HYDIN: variants seen among roughly 807,000 people sequenced by gnomAD.
The protein encoded by HYDIN is HYDIN axonemal central pair apparatus protein.
Under a neutral mutation model 403.9 loss-of-function variants are expected in HYDIN, and 132 were observed. The ratio of observed to expected loss-of-function variants is 0.33; its 90% CI spans 0.28 to 0.38. The LOEUF (loss-of-function observed/expected upper bound fraction) is 0.38, where lower values mean the gene tolerates loss of function less well. Ranked by LOEUF, HYDIN falls within the 10% of genes least tolerant of loss-of-function variation. HYDIN has a pLI of 1.00. For missense variants in HYDIN, 2,827 were observed against 5,009.5 expected (o/e 0.56, Z 13.15); for synonymous variants, 1,202 against 1,891.7 (o/e 0.64, Z 9.46).
intron 18 of HYDIN, among the ~76,000 whole-genome samples, chr16:71,045,211 C>T (rs891019587): frequency 1.2e-4 from 19 of 152,286 alleles, no homozygotes; most frequent in Non-Finnish European, 2.6e-4. Flanking sequence ...GCTGGGCATA[C>T]ATCTCTTGGT....
chr16:70,891,528 G>A (rs1161743948), intron 57 of HYDIN, 118 bp downstream of exon 57: 1 of 384,756 alleles, frequency 2.6e-6, no homozygotes, highest in Admixed American at 4.4e-5. Context: ...AAATCTTACT[G>A]ATCTCACCCA....
At chr16:71,075,566 A>T (rs1357982550) in intron 13 of HYDIN, among the ~76,000 whole-genome samples, 1 of 152,150 alleles carries the variant, frequency 6.6e-6, no homozygotes, top group Non-Finnish European at 1.5e-5. Flanking sequence ...GATGAATAAG[A>T]GCCTTTAAAT....
chr16:71,068,127 GT>G (rs2082336415), intron 14 of HYDIN, among the ~76,000 whole-genome samples: 1 of 148,488 alleles, frequency 6.7e-6, no homozygotes, highest in Non-Finnish European at 1.5e-5. Flanking sequence ...TTTACCCTGT[GT>G]TTTTATTTCC....
chr16:70,882,520 C>G, intron 60 of HYDIN, 140 bp downstream of exon 60: 1 of 595,450 alleles, frequency 1.7e-6, no homozygotes, highest in Non-Finnish European at 3.0e-6. Flanking sequence ...GGGGAAAGCC[C>G]CCGGTTACTT....
At chr16:71,047,421 A>C (rs1364798327) in intron 18 of HYDIN, among the ~76,000 whole-genome samples, 8 of 152,130 alleles carry the variant, frequency 5.3e-5, no homozygotes, top group African/African-American at 1.9e-4. Flanking sequence ...TGGCAAAATG[A>C]AAAAGGTCTC....
chr16:71,190,119 C>T lies in HYDIN; in HGVS notation c.-23-3201G>A, dbSNP rs77146450. Among the ~76,000 whole-genome samples, 1,289 of 152,198 alleles carry T rather than the reference C, an allele frequency of 8.5e-3. 18 individuals carry two copies. Among genetic ancestry groups the T allele is most frequent in the African/African-American group, 0.03 (1,225 of 41,524 alleles). On this transcript the variant is annotated intron_variant, in intron 1 of 85. Coordinates refer to ENST00000393567, the MANE Select transcript of HYDIN (RefSeq NM_001270974.2). ...AATGAAAGTCCGGTGGCAATGACAG[C>T]GCAGAGACCTGGATTGTAGTATTCA...
chr16:70,990,767 A>C (rs1248030583), intron 25 of HYDIN, among the ~76,000 whole-genome samples: 1 of 152,186 alleles, frequency 6.6e-6, no homozygotes, highest in East Asian at 1.9e-4. Context: ...TAATTTCTAG[A>C]AGGGGGACAA....
At chr16:70,969,542 A>C (rs1275095217) in intron 36 of HYDIN, among the ~76,000 whole-genome samples, 2 of 151,348 alleles carry the variant, frequency 1.3e-5, no homozygotes, top group Middle Eastern at 3.4e-3. Flanking sequence ...AAATCCTTCA[A>C]GGATGAGAGG....
intron 83 of HYDIN, among the ~76,000 whole-genome samples, chr16:70,821,938 T>G (rs1428563114): frequency 6.6e-6 from 1 of 152,152 alleles, no homozygotes; most frequent in Non-Finnish European, 1.5e-5. Context: ...AAAATATTAC[T>G]TCTCTTTAAT....
intron 1 of HYDIN, among the ~76,000 whole-genome samples, chr16:71,219,825 T>C (rs923688640): frequency 2.0e-5 from 3 of 152,174 alleles, no homozygotes; most frequent in Non-Finnish European, 4.4e-5. Flanking sequence ...AAACGACATT[T>C]TGTATGAAGA....
chr16:71,085,132 G>A (rs1160271924), intron 12 of HYDIN, among the ~76,000 whole-genome samples: 1 of 96,002 alleles, frequency 1.0e-5, no homozygotes, highest in East Asian at 2.8e-4. Flanking sequence ...GTTGAAAAGT[G>A]TTCCCACCTT....
At chr16:71,163,647 T>A (rs938034864) in intron 5 of HYDIN, among the ~76,000 whole-genome samples, 1 of 152,190 alleles carries the variant, frequency 6.6e-6, no homozygotes, top group Non-Finnish European at 1.5e-5. Flanking sequence ...TCCAGCCTAC[T>A]GCAGGATGTG....
chr16:70,936,824 G>A (rs1186787234), intron 44 of HYDIN, among the ~76,000 whole-genome samples: 6 of 150,682 alleles, frequency 4.0e-5, no homozygotes, highest in African/African-American at 7.3e-5. Context: ...GAGCCACTGC[G>A]CCCAGCCAGA....
intron 62 of HYDIN, among the ~76,000 whole-genome samples, chr16:70,878,875 A>G (rs1286694286): frequency 7.0e-6 from 1 of 142,022 alleles, no homozygotes; most frequent in Non-Finnish European, 1.5e-5. Context: ...CACATTTTGT[A>G]AAATAAAACC....
intron 39 of HYDIN, among the ~76,000 whole-genome samples, chr16:70,958,448 C>T (rs1482883180): frequency 6.6e-6 from 1 of 152,160 alleles, no homozygotes; most frequent in Non-Finnish European, 1.5e-5. Context: ...CAGGTCAGTG[C>T]CTTTTTGGTG....
chr16:70,868,744 G>A lies in HYDIN; in HGVS notation c.11136C>T (p.Thr3712=), dbSNP rs771180825. The change falls in exon 66 of 86, where the codon ACC becomes ACT. Residue 3712 remains threonine (T), a synonymous_variant. Transcript: ENST00000393567. ...GGTTGATGGGTACATCTGACTTCAT[G>A]GTCACCACTATGTCCTTGGCACACC... is the stretch of plus-strand genomic sequence containing the variant. ...HPGCAKDIVV[T]MKSDVPINLK... 1.9e-6 allele frequency: 3 copies of A among 1,613,984 alleles called. No individual in the cohort carries two copies. The highest frequency in any genetic ancestry group is 1.1e-5 in the South Asian group (1 of 91,014).
chr16:71,109,385 CA>C (rs1457850304), intron 10 of HYDIN, among the ~76,000 whole-genome samples: 1 of 134,670 alleles, frequency 7.4e-6, no homozygotes, highest in Non-Finnish European at 1.5e-5. Flanking sequence ...CGCAAAACGA[CA>C]TGAGGAGGAA....
intron 47 of HYDIN, among the ~76,000 whole-genome samples, chr16:70,909,338 A>T (rs2076625247): frequency 6.6e-6 from 1 of 152,190 alleles, no homozygotes; most frequent in Non-Finnish European, 1.5e-5. Context: ...GTGTTTAATA[A>T]GAAGTTCCCA....
At chr16:71,070,022 C>CA (rs1383086675) in intron 13 of HYDIN, among the ~76,000 whole-genome samples, 1 of 152,180 alleles carries the variant, frequency 6.6e-6, no homozygotes, top group Non-Finnish European at 1.5e-5. Flanking sequence ...GTCTGGGTAT[C>CA]ACGCTCTTAG....
Sources: gnomAD v4.1 joint callset for allele counts (sites outside exome capture counted in the v4.1 genomes callset) on GRCh38, gnomAD v4.1.1 for gene constraint, MANE v1.5 for transcripts, NCBI Gene and HGNC (gene_info 2026-07-23, HGNC 2026-07-21) for gene names.